The following GSAP variants were observed in gnomAD, a reference collection of about 807,000 sequenced individuals.
The protein encoded by GSAP is gamma-secretase-activating protein.
A neutral mutation model predicts 131.7 loss-of-function variants in GSAP; 118 were observed. That is an observed-to-expected ratio of 0.90 (90% confidence interval 0.77 to 1.04). GSAP has a LOEUF of 1.04. Ranked by LOEUF, GSAP falls within the 50% of genes least tolerant of loss-of-function variation. The pLI is 0.00. For missense variants in GSAP, 1,019 were observed against 1,013.2 expected, an observed-to-expected ratio of 1.01 and a Z score of -0.08; for synonymous variants, 381 against 363.4, an observed-to-expected ratio of 1.05 and a Z score of -0.55.
At chr7:77,393,286 A>G (rs761635799) in intron 5 of GSAP, among the ~76,000 whole-genome samples, 34 of 152,342 alleles carry the variant, frequency 2.2e-4, no homozygotes, top group Middle Eastern at 3.4e-3. Context: ...CAAATAAAAC[A>G]TTCTAATAAA....
At chr7:77,391,883 C>G (rs1327462395) in intron 5 of GSAP, among the ~76,000 whole-genome samples, 1 of 152,098 alleles carries the variant, frequency 6.6e-6, no homozygotes, top group Admixed American at 6.5e-5. Context: ...ATTACTTCTA[C>G]AATCCCTTTC....
At chr7:77,342,576 C>A (rs1419848359) in intron 19 of GSAP, among the ~76,000 whole-genome samples, 3 of 152,106 alleles carry the variant, frequency 2.0e-5, no homozygotes, top group Non-Finnish European at 2.9e-5. Flanking sequence ...TATCTCCCCA[C>A]CTTAATCCAC....
In GSAP at chr7:77,326,280, T is replaced by C. The variant is rs768688254; in HGVS notation, c.1766-7A>G. 1.9e-6 allele frequency: 3 copies of C among 1,607,072 alleles called. No individual in the cohort carries two copies. Among genetic ancestry groups the C allele is most frequent in the South Asian group, 1.1e-5 (1 of 90,786 alleles). Reference sequence around the variant, plus strand: ...AGGGGTGTTAATCTTGGCCCTGAAATGAAACAGAGCAATAGTTAGGCTCTG... The same window carrying C: ...AGGGGTGTTAATCTTGGCCCTGAAACGAAACAGAGCAATAGTTAGGCTCTG... On this transcript the variant is annotated splice_region_variant and splice_polypyrimidine_tract_variant and intron_variant, in intron 22 of 30. Transcript: ENST00000257626.
rs1794333783 is a variant in GSAP at position 77,311,397 on chromosome 7, T to C, written c.2526A>G (p.Glu842=). 3 of 1,612,780 alleles carry C rather than the reference T, an allele frequency of 1.9e-6. No individual in the cohort carries two copies. Among genetic ancestry groups the C allele is most frequent in the Admixed American group, 1.7e-5 (1 of 59,998 alleles). Reference sequence around the variant, plus strand: ...GCATCGCGGTGTGTTTCAGAGCTGCTTCCTCTACAAATTCTGCATCCACAT... The same window carrying C: ...GCATCGCGGTGTGTTTCAGAGCTGCCTCCTCTACAAATTCTGCATCCACAT... ...HDNVDAEFVE[E]AALKHTAMLL... The change falls in exon 31 of 31, where the codon GAA becomes GAG. Residue 842 remains glutamate, a synonymous_variant. Transcript: ENST00000257626.
chr7:77,384,819 G>A (rs1798319713), intron 6 of GSAP, among the ~76,000 whole-genome samples: 1 of 152,114 alleles, frequency 6.6e-6, no homozygotes, highest in African/African-American at 2.4e-5. Flanking sequence ...CAACTCAATG[G>A]ACAGTAGATG....
rs754097761 is a variant in GSAP at position 77,404,571 on chromosome 7, G to A, written c.231C>T (p.Thr77=). 1.9e-6 allele frequency: 3 copies of A among 1,555,752 alleles called. No individual in the cohort carries two copies. Among genetic ancestry groups the A allele is most frequent in the Non-Finnish European group, 2.7e-6 (3 of 1,129,270 alleles). The change falls in exon 3 of 31, where the codon ACC becomes ACT. Residue 77 remains threonine (T), a synonymous_variant. Transcript: ENST00000257626. ...NVVFGLYDCQ[T]RQNELLYTFE... ...CTATGATTTTTACCTCATTTTGTCT[G>A]GTTTGACAATCATATAATCCAAAGA...
chr7:77,392,642 G>A (rs1427248815), intron 5 of GSAP, among the ~76,000 whole-genome samples: 1 of 152,162 alleles, frequency 6.6e-6, no homozygotes, highest in East Asian at 1.9e-4. Flanking sequence ...AGAGACAGCA[G>A]GATCAGGCAG....
chr7:77,388,296 C>G (rs1798883471), intron 5 of GSAP, among the ~76,000 whole-genome samples: 1 of 152,218 alleles, frequency 6.6e-6, no homozygotes, highest in African/African-American at 2.4e-5. Flanking sequence ...TCCAATTCGG[C>G]AGCACAATGG....
chr7:77,326,092 C>A, intron 23 of GSAP, 120 bp downstream of exon 23: 1 of 723,534 alleles, frequency 1.4e-6, no homozygotes, highest in Admixed American at 2.9e-5. Context: ...ATAATGCTGG[C>A]AAAACATACT....
At chr7:77,359,877 C>G (rs548182255) in intron 14 of GSAP, among the ~76,000 whole-genome samples, 4 of 152,168 alleles carry the variant, frequency 2.6e-5, no homozygotes, top group African/African-American at 4.8e-5. Flanking sequence ...GTCCCAGACC[C>G]AGGAAACCTT....
At chr7:77,346,310 C>T (rs1390117893) in intron 19 of GSAP, among the ~76,000 whole-genome samples, 1 of 135,724 alleles carries the variant, frequency 7.4e-6, no homozygotes, top group African/African-American at 2.9e-5. Flanking sequence ...AAAAAAAATT[C>T]TCTGCAACAT....
rs775149343 is a variant in GSAP at position 77,377,275 on chromosome 7, A to AAT, written c.681+10_681+11insAT. 7.4e-7 allele frequency: 1 copy of AAT among 1,351,686 alleles called. No individual in the cohort carries two copies. Among genetic ancestry groups the AAT allele is most frequent in the African/African-American group, 1.5e-5 (1 of 64,952 alleles). 83.7% of individuals were successfully genotyped at this position (1,351,686 alleles called of 1,614,324 possible). Reference sequence around the variant, plus strand: ...AAAAAAAAAGGAGTGCCCGTGAACTAGTTTTTTTACCTTCAGGTCAATGTA... The same window carrying AAT: ...AAAAAAAAAGGAGTGCCCGTGAACTAATGTTTTTTTACCTTCAGGTCAATGTA... On this transcript the variant is annotated intron_variant, in intron 9 of 30. Coordinates refer to ENST00000257626, the MANE Select transcript of GSAP (RefSeq NM_017439.4).
chr7:77,403,361 G>C (rs952044525), intron 3 of GSAP, among the ~76,000 whole-genome samples: 4 of 152,198 alleles, frequency 2.6e-5, no homozygotes, highest in Non-Finnish European at 5.9e-5. Flanking sequence ...GAAGGGAAGA[G>C]AGAATTAACC....
intron 18 of GSAP, among the ~76,000 whole-genome samples, chr7:77,349,697 T>A (rs1792484541): frequency 6.6e-6 from 1 of 152,196 alleles, no homozygotes; most frequent in African/African-American, 2.4e-5. Flanking sequence ...TTTATACATT[T>A]CTATTAAAGA....
At chr7:77,335,667 A>C (rs1484008060) in intron 19 of GSAP, among the ~76,000 whole-genome samples, 1 of 152,112 alleles carries the variant, frequency 6.6e-6, no homozygotes, top group African/African-American at 2.4e-5. Context: ...GTACTGGCTC[A>C]TCTGCAAATT....
intron 12 of GSAP, among the ~76,000 whole-genome samples, chr7:77,368,091 G>A (rs773947390): frequency 1.8e-4 from 27 of 152,066 alleles, no homozygotes; most frequent in Non-Finnish European, 3.4e-4. Flanking sequence ...ATCTTCTCTC[G>A]TCTTCTTAGT....
At position 77,313,523 on chromosome 7, in the gene GSAP, T is replaced by G. The variant is rs192873462; in HGVS notation, c.2236A>C (p.Lys746Gln). Residue 746 changes from lysine (K) to glutamine (Q), a missense_variant, in exon 28 of 31, where the codon AAA becomes CAA. Lys to Gln is a moderately conservative substitution (Grantham distance 53). Transcript: ENST00000257626. ...KDLDNTEKNE[K>Q]LKFSIIVRLP... ...CGCACAATGATACTGAATTTCAGTT[T>G]TTCATTTTTCTCTGTATTATCCAGA... 1 of 1,562,128 alleles carries G rather than the reference T, an allele frequency of 6.4e-7. No homozygotes were observed. Among genetic ancestry groups the G allele is most frequent in the Admixed American group, 1.7e-5 (1 of 59,652 alleles).
chr7:77,370,221 G>A (rs1795915684), intron 12 of GSAP, among the ~76,000 whole-genome samples: 1 of 152,228 alleles, frequency 6.6e-6, no homozygotes, highest in African/African-American at 2.4e-5. Flanking sequence ...ACTTTGGGAA[G>A]CCAAGATGTG....
chr7:77,313,381 T>C, intron 28 of GSAP, 107 bp downstream of exon 28: 3 of 643,560 alleles, frequency 4.7e-6, no homozygotes, highest in Middle Eastern at 5.3e-4. Flanking sequence ...AGTGAAACAA[T>C]TCAATTGACT....
Sources: allele counts gnomAD v4.1 joint callset (sites outside exome capture counted in the v4.1 genomes callset), GRCh38; gene constraint gnomAD v4.1.1; transcripts MANE v1.5; gene names NCBI Gene and HGNC (gene_info 2026-07-23, HGNC 2026-07-21).